ZNF800: variants seen among roughly 807,000 people sequenced by gnomAD.
ZNF800 encodes zinc finger protein 800.
Under a neutral mutation model 59.5 loss-of-function variants are expected in ZNF800, and 13 were observed. The observed-to-expected ratio is 0.22, with a 90% CI of 0.14 to 0.35. The LOEUF is 0.35. Ranked by LOEUF, ZNF800 falls within the 10% of genes least tolerant of loss-of-function variation. ZNF800 has a pLI of 1.00. For missense variants in ZNF800, 621 were observed against 783.7 expected (o/e 0.79, Z 2.48); for synonymous variants, 266 against 265.7 (o/e 1.00, Z -0.01).
At position 127,374,092 on chromosome 7, in the gene ZNF800, G is replaced by C. The variant is rs1377896288; in HGVS notation, c.1244C>G (p.Ser415Cys). 1.9e-6 allele frequency: 3 copies of C among 1,614,094 alleles called. No homozygotes were observed. The highest frequency in any genetic ancestry group is 1.7e-5 in the Admixed American group (1 of 59,972). Residue 415 changes from serine to cysteine, a missense_variant, in exon 5 of 6, where the codon TCT becomes TGT. By Grantham distance (112) the Ser-to-Cys change is moderately radical (BLOSUM62 -1). Coordinates refer to ENST00000265827, the MANE Select transcript of ZNF800 (RefSeq NM_176814.5). ...AATGGAAGGGGGTGAAGATTCTACA[G>C]AATCTGCTGGTTCAACTTTAACTTT... ...EIKVKVEPAD[S>C]VESSPPSITH...
intron 2 of ZNF800, among the ~76,000 whole-genome samples, chr7:127,390,751 T>C (rs959642602): frequency 6.6e-6 from 1 of 152,216 alleles, no homozygotes; most frequent in African/African-American, 2.4e-5. Flanking sequence ...TTATACCTTT[T>C]AATGATTGTC....
chr7:127,356,724 AAAGAG>A (rs1800278534), intron 1 of ZNF800, among the ~76,000 whole-genome samples: 1 of 152,026 alleles, frequency 6.6e-6, no homozygotes, highest in Non-Finnish European at 1.5e-5. Flanking sequence ...AAATAACAAG[AAAGAG>A]AAACCATTTT....
At chr7:127,359,681 AC>A in intron 1 of ZNF800, 1 of 152,154 alleles carries the variant, frequency 6.6e-6, no homozygotes, top group East Asian at 1.9e-4. Context: ...CTTTTATTTG[AC>A]CTCAGAGGAC....
chr7:127,379,399 C>G (rs549658714), intron 3 of ZNF800, among the ~76,000 whole-genome samples: 1 of 152,214 alleles, frequency 6.6e-6, no homozygotes, highest in Admixed American at 6.5e-5. Context: ...ACTACAAAAC[C>G]TGCTAGACCC....
downstream of ZNF800, among the ~76,000 whole-genome samples, chr7:127,344,560 CA>C (rs1320048708): frequency 5.3e-5 from 8 of 151,776 alleles, no homozygotes; most frequent in East Asian, 1.5e-3. Flanking sequence ...AAAATATAGC[CA>C]AAAATATTTA....
intron 1 of ZNF800, chr7:127,364,876 G>C (rs1205495046): frequency 6.6e-6 from 1 of 152,066 alleles, no homozygotes; most frequent in Non-Finnish European, 1.5e-5. Flanking sequence ...AGCAAAGATG[G>C]GGTTGAAGGC....
chr7:127,361,394 TAGAG>T (rs1156986693), intron 1 of ZNF800: 4 of 151,948 alleles, frequency 2.6e-5, no homozygotes, highest in Non-Finnish European at 4.4e-5. Context: ...CTGAGCAACA[TAGAG>T]AGACCTCATC....
chr7:127,370,760 A>G lies in ZNF800; in HGVS notation c.*1054T>C, dbSNP rs1703344513. 1 of 152,556 alleles carries G rather than the reference A, an allele frequency of 6.6e-6. No individual in the cohort carries two copies. Among genetic ancestry groups the G allele is most frequent in the African/African-American group, 2.4e-5 (1 of 41,458 alleles). The allele number at this position is 152,556 out of a possible 1,614,324, so 9.5% of individuals were successfully genotyped here. A position where few individuals can be genotyped will look rare whatever the true frequency, so the allele number is the denominator to read the frequency against. ...CCTGCCCAAAATTTCATAAAGATAG[A>G]TGTACTTCTGTTTTTCCTAAAATCT... is the stretch of plus-strand genomic sequence containing the variant. On this transcript the variant is annotated 3_prime_UTR_variant, in exon 6 of 6. Transcript: ENST00000265827.
At chr7:127,350,550 A>G (rs1456310624) in intron 1 of ZNF800, 2 of 152,250 alleles carry the variant, frequency 1.3e-5, no homozygotes, top group African/African-American at 2.4e-5. Flanking sequence ...GCAGAATTGC[A>G]TAGAATGGAA....
At chr7:127,383,927 T>A (rs1156254482) in intron 3 of ZNF800, among the ~76,000 whole-genome samples, 1 of 152,138 alleles carries the variant, frequency 6.6e-6, no homozygotes, top group Non-Finnish European at 1.5e-5. Flanking sequence ...TTTAAAAAGA[T>A]CGCAGTTCAA....
exon 2 of ZNF800, chr7:127,347,862 G>T (rs992110990): frequency 5.3e-5 from 8 of 151,118 alleles, no homozygotes; most frequent in African/African-American, 1.9e-4. Context: ...GGCGCTCACG[G>T]AGCCGCGGGC....
intron 1 of ZNF800, among the ~76,000 whole-genome samples, chr7:127,357,296 G>C (rs188201911): frequency 6.6e-6 from 1 of 152,028 alleles, no homozygotes; most frequent in Admixed American, 6.6e-5. Flanking sequence ...GACAACGCAG[G>C]ATCTACATTT....
chr7:127,354,288 A>G (rs1034427446), intron 1 of ZNF800, among the ~76,000 whole-genome samples: 1 of 151,734 alleles, frequency 6.6e-6, no homozygotes, highest in Non-Finnish European at 1.5e-5. Flanking sequence ...CCTGAAAGAA[A>G]TGTGAAATAC....
Position 127,364,756 on chromosome 7 carries a change from C to T in ZNF800, n.224+8586G>A, listed in dbSNP as rs191121655. ...GACTTGGAACAGAAAAACAGCTCTT[C>T]CTCCAAAGAAGAGACAGAAGATAAA... On this transcript the variant is annotated intron_variant and non_coding_transcript_variant, in intron 1 of 1. Transcript: ENST00000485577. 7 of 152,106 alleles carry T rather than the reference C, an allele frequency of 4.6e-5. 1 individual carries two copies. In the East Asian group the frequency reaches 5.8e-4, roughly 13 times the overall value. The allele number at this position is 152,106 out of a possible 1,614,324, so 9.4% of individuals were successfully genotyped here.
chr7:127,387,115 C>T (rs1053923613), intron 2 of ZNF800, among the ~76,000 whole-genome samples: 1 of 151,840 alleles, frequency 6.6e-6, no homozygotes, highest in Non-Finnish European at 1.5e-5. Context: ...TTTATATTAT[C>T]CCTAATTCCC....
intron 2 of ZNF800, among the ~76,000 whole-genome samples, chr7:127,387,784 C>T (rs746288472): frequency 6.6e-6 from 1 of 151,834 alleles, no homozygotes; most frequent in Non-Finnish European, 1.5e-5. Context: ...TCGTTTGAGC[C>T]CGGGAGGCAG....
intron 5 of ZNF800, chr7:127,372,498 A>G (rs1316380654): frequency 5.6e-6 from 3 of 537,014 alleles, no homozygotes; most frequent in Non-Finnish European, 7.1e-6. Flanking sequence ...AAAAAAAAAA[A>G]GTAGTATTTT....
chr7:127,369,758 A>G (rs1188249706), downstream of ZNF800, among the ~76,000 whole-genome samples: 1 of 152,032 alleles, frequency 6.6e-6, no homozygotes, highest in Non-Finnish European at 1.5e-5. Flanking sequence ...CAGAATTACT[A>G]TGGAGGAGAC....
At chr7:127,388,779 G>C (rs1475452176) in intron 2 of ZNF800, among the ~76,000 whole-genome samples, 1 of 152,100 alleles carries the variant, frequency 6.6e-6, no homozygotes, top group Non-Finnish European at 1.5e-5. Context: ...GATTAGCTTA[G>C]CTGTGCCTGG....
Sources: allele counts gnomAD v4.1 joint callset (sites outside exome capture counted in the v4.1 genomes callset), GRCh38; gene constraint gnomAD v4.1.1; transcripts MANE v1.5; gene names NCBI Gene and HGNC (gene_info 2026-07-23, HGNC 2026-07-21).